The following AQP4 variants were observed in gnomAD, a reference collection of about 807,000 sequenced individuals.
The protein encoded by AQP4 is aquaporin-4.
Under a neutral mutation model 27.8 loss-of-function variants are expected in AQP4, and 18 were observed. That is an observed-to-expected ratio of 0.65 (90% CI 0.45 to 0.96). The LOEUF is 0.96. Ranked by LOEUF, AQP4 falls within the 40% of genes least tolerant of loss-of-function variation. The probability of loss-of-function intolerance (pLI) is 0.00; values close to 1 mark genes in which losing one functional copy is unlikely to be tolerated. For synonymous variants in AQP4, 141 were observed against 142.9 expected (o/e 0.99, Z 0.10); for missense variants, 412 against 408.2 (o/e 1.01, Z -0.08).
chr18:26,857,502 A>G (rs538687746), intron 4 of AQP4, among the ~76,000 whole-genome samples: 1 of 151,822 alleles, frequency 6.6e-6, no homozygotes, highest in South Asian at 2.1e-4. Flanking sequence ...AATTTTTTGT[A>G]TTTTTAGTAG....
chr18:26,863,159 A>G, intron 1 of AQP4: 1 of 161,492 alleles, frequency 6.2e-6, no homozygotes, highest in East Asian at 1.8e-4. Flanking sequence ...AGGGGAGAGG[A>G]GCTTCTGGTG....
chr18:26,856,109 C>T lies in AQP4; in HGVS notation c.*102G>A. 1.4e-6 allele frequency: 2 copies of T among 1,429,850 alleles called. No homozygotes were observed. Among genetic ancestry groups the T allele is most frequent in the South Asian group, 1.2e-5 (1 of 86,486 alleles). 88.6% of individuals were successfully genotyped at this position (1,429,850 alleles called of 1,614,324 possible). A position where few individuals can be genotyped will look rare whatever the true frequency, so the allele number is the denominator to read the frequency against. On this transcript the variant is annotated 3_prime_UTR_variant, in exon 5 of 5. Transcript: ENST00000383168. ...AGTAATATGACATGAAACAACAAAC[C>T]TGCACATTTCTAATTTATAACAAAT...
intron 1 of AQP4, chr18:26,862,996 T>TG (rs745810573): frequency 0.3 from 27,600 of 91,522 alleles, 5,436 homozygotes; most frequent in Admixed American, 0.38. Flanking sequence ...AAGGTGTGCG[T>TG]GGGGGGGGGG....
rs928363041 is a variant in AQP4, at chr18:26,864,432, G to A, written c.32+1226C>T. On this transcript the variant is annotated intron_variant, in intron 1 of 4. Coordinates refer to ENST00000383168, the MANE Select transcript of AQP4 (RefSeq NM_001650.7). ...AGGGGGGTGGCCAGCCACATCCCAC[G>A]CATCCCCTGCCCCAGTGAAGCGAAT... 5.9e-5 allele frequency among the ~76,000 whole-genome samples: 9 copies of A among 152,108 alleles called. 1 individual carries two copies. In the South Asian group the frequency reaches 1.9e-3, roughly 32 times the overall value.
Position 26,852,671 on chromosome 18 carries a change from GT to G in AQP4, c.*3539del, listed in dbSNP as rs2054772047. The G allele has an allele frequency of 5.1e-6, 2 of 395,498 alleles. No individual in the cohort carries two copies. Among genetic ancestry groups the G allele is most frequent in the African/African-American group, 4.1e-5 (2 of 48,570 alleles). 24.5% of individuals were successfully genotyped at this position (395,498 alleles called of 1,614,324 possible). On this transcript the variant is annotated 3_prime_UTR_variant, in exon 5 of 5. Coordinates refer to ENST00000383168, the MANE Select transcript of AQP4 (RefSeq NM_001650.7). ...ACAAAATTTGTGGTAACAAAAGAGA[GT>G]TTTGTTACATTACACTTTCCAAATA...
At chr18:26,860,999 A>G in intron 3 of AQP4, 132 bp downstream of exon 3, 1 of 1,416,140 alleles carries the variant, frequency 7.1e-7, no homozygotes, top group South Asian at 1.2e-5. Context: ...CAGTTGGAAA[A>G]ATTATAACCT....
At chr18:26,859,035 C>A (rs1382962931) in intron 4 of AQP4, among the ~76,000 whole-genome samples, 1 of 152,164 alleles carries the variant, frequency 6.6e-6, no homozygotes, top group Non-Finnish European at 1.5e-5. Flanking sequence ...TAACATGGGG[C>A]AACTTTTAGT....
Position 26,856,084 on chromosome 18 carries a change from A to G in AQP4, c.*127T>C. On this transcript the variant is annotated 3_prime_UTR_variant, in exon 5 of 5. Coordinates refer to ENST00000383168, the MANE Select transcript of AQP4 (RefSeq NM_001650.7). ...TATGAAATATTTATTGTTTAGACTGAGTAATATGACATGAAACAACAAACC... is the reference window on the plus strand; with the variant it reads ...TATGAAATATTTATTGTTTAGACTGGGTAATATGACATGAAACAACAAACC... The G allele has an allele frequency of 8.7e-7, 1 of 1,147,324 alleles. No homozygotes were observed. The highest frequency in any genetic ancestry group is 1.3e-5 in the South Asian group (1 of 79,848). 71.1% of individuals were successfully genotyped at this position (1,147,324 alleles called of 1,614,324 possible).
chr18:26,860,606 A>G (rs2054923383), intron 4 of AQP4, 166 bp downstream of exon 4: 2 of 684,414 alleles, frequency 2.9e-6, no homozygotes, highest in Non-Finnish European at 5.2e-6. Flanking sequence ...TTTACAGCAG[A>G]TCTGTGCTAT....
intron 2 of AQP4, 80 bp downstream of exon 2, chr18:26,862,102 C>T (rs780785371): frequency 2.5e-5 from 38 of 1,520,414 alleles, no homozygotes; most frequent in Non-Finnish European, 3.2e-5. Flanking sequence ...AGGGATGTGC[C>T]TCATGCCACC....
chr18:26,859,992 G>A (rs2054911792), intron 4 of AQP4, among the ~76,000 whole-genome samples: 1 of 152,158 alleles, frequency 6.6e-6, no homozygotes, highest in Admixed American at 6.5e-5. Context: ...CTTCACAACT[G>A]CTGCATTACT....
At chr18:26,859,017 GTATAA>G (rs2054892229) in intron 4 of AQP4, among the ~76,000 whole-genome samples, 1 of 152,096 alleles carries the variant, frequency 6.6e-6, no homozygotes, top group South Asian at 2.1e-4. Context: ...ATTAAGATTG[GTATAA>G]TATAACATGG....
chr18:26,859,194 T>C (rs555531845), intron 4 of AQP4, among the ~76,000 whole-genome samples: 1 of 152,352 alleles, frequency 6.6e-6, no homozygotes, highest in South Asian at 2.1e-4. Context: ...ATAGTTTCAA[T>C]TTAATATGTT....
intron 4 of AQP4, among the ~76,000 whole-genome samples, chr18:26,858,421 A>T (rs1203329055): frequency 2.0e-5 from 3 of 152,246 alleles, no homozygotes. Context: ...CCCTCTGCAA[A>T]TTAATCTCAG....
intron 2 of AQP4, 61 bp from the exon 3 acceptor site, chr18:26,861,356 T>C (rs1004822268): frequency 6.5e-7 from 1 of 1,527,524 alleles, no homozygotes; most frequent in Non-Finnish European, 9.0e-7. Context: ...GACAATGTAT[T>C]AATATCATTG....
intron 2 of AQP4, chr18:26,861,903 A>G (rs533162922): frequency 9.1e-5 from 46 of 507,322 alleles, no homozygotes; most frequent in African/African-American, 8.6e-4. Flanking sequence ...TATAAAGTCA[A>G]TATAGTAATT....
chr18:26,852,325 A>T lies in AQP4; in HGVS notation c.*3886T>A, dbSNP rs1353192922. ...ATAAAAGTGATAAATAATTGTTTAT[A>T]TGTTTTCATAAATTGCATGTTTATT... On this transcript the variant is annotated 3_prime_UTR_variant, in exon 5 of 5. Coordinates refer to ENST00000383168, the MANE Select transcript of AQP4 (RefSeq NM_001650.7). 6.6e-6 allele frequency: 1 copy of T among 152,244 alleles called. No homozygotes were observed. Among genetic ancestry groups the T allele is most frequent in the Non-Finnish European group, 1.5e-5 (1 of 68,072 alleles). 9.4% of individuals were successfully genotyped at this position (152,244 alleles called of 1,614,324 possible). A position where few individuals can be genotyped will look rare whatever the true frequency, so the allele number is the denominator to read the frequency against.
chr18:26,864,153 C>T (rs781661436), intron 1 of AQP4, among the ~76,000 whole-genome samples: 48 of 152,326 alleles, frequency 3.2e-4, no homozygotes, highest in Non-Finnish European at 5.7e-4. Flanking sequence ...AAGCCAAGTA[C>T]TTTAAGAGAT....
chr18:26,861,531 T>C (rs982481141), intron 2 of AQP4, among the ~76,000 whole-genome samples: 1 of 152,256 alleles, frequency 6.6e-6, no homozygotes, highest in African/African-American at 2.4e-5. Flanking sequence ...AACAGGAGTT[T>C]GTGCTGAATG....
Sources: allele counts gnomAD v4.1 joint callset (sites outside exome capture counted in the v4.1 genomes callset), GRCh38; gene constraint gnomAD v4.1.1; transcripts MANE v1.5; gene names NCBI Gene and HGNC (gene_info 2026-07-23, HGNC 2026-07-21).